The following BOD1L1 variants were observed in gnomAD, a reference collection of about 807,000 sequenced individuals.
BOD1L1 encodes the protein biorientation of chromosomes in cell division 1 like 1.
BOD1L1 carries 86 observed loss-of-function variants against 240.7 expected under a neutral mutation model. The ratio of observed to expected loss-of-function variants is 0.36; its 90% CI spans 0.30 to 0.43. BOD1L1 has a LOEUF of 0.43. Ranked by LOEUF, BOD1L1 falls within the 20% of genes least tolerant of loss-of-function variation. BOD1L1 has a pLI of 1.00. For missense variants in BOD1L1, 3,554 were observed against 3,643.5 expected (o/e 0.98, Z 0.63); for synonymous variants, 1,268 against 1,272.3 (o/e 1.00, Z 0.07).
chr4:13,582,589 T>C, intron 18 of BOD1L1, 63 bp downstream of exon 18: 5 of 1,272,434 alleles, frequency 3.9e-6, no homozygotes, highest in Non-Finnish European at 5.7e-6. Flanking sequence ...GACGTTTCGG[T>C]TGAGAGACAC....
At chr4:13,624,620 C>T (rs1186631723) in intron 1 of BOD1L1, 1 of 152,106 alleles carries the variant, frequency 6.6e-6, no homozygotes, top group East Asian at 1.9e-4. Context: ...GGGGTTTCAC[C>T]ATTTTGGTCA....
At chr4:13,590,548 C>A in intron 13 of BOD1L1, 102 bp from the exon 14 acceptor site, 1 of 534,586 alleles carries the variant, frequency 1.9e-6, no homozygotes, top group Non-Finnish European at 3.3e-6. Flanking sequence ...GCTATTTGTA[C>A]AAATGCCAAA....
chr4:13,591,903 A>G lies in BOD1L1; in HGVS notation c.8148+20T>C, dbSNP rs572715639. 1 of 1,530,154 alleles carries G rather than the reference A, an allele frequency of 6.5e-7. No homozygotes were observed. The highest frequency in any genetic ancestry group is 8.8e-7 in the Non-Finnish European group (1 of 1,137,964). 94.8% of individuals were successfully genotyped at this position (1,530,154 alleles called of 1,614,324 possible). A position where few individuals can be genotyped will look rare whatever the true frequency, so the allele number is the denominator to read the frequency against. On this transcript the variant is annotated intron_variant, in intron 13 of 25. Coordinates refer to ENST00000040738, the MANE Select transcript of BOD1L1 (RefSeq NM_148894.3). ...AAAAACCCAATAACCACAAAAATCAAAACCATTACAGTGACTTACATTTAG... is the reference window on the plus strand; with the variant it reads ...AAAAACCCAATAACCACAAAAATCAGAACCATTACAGTGACTTACATTTAG...
intron 6 of BOD1L1, among the ~76,000 whole-genome samples, chr4:13,609,879 T>C (rs1024042720): frequency 2.6e-5 from 4 of 152,148 alleles, no homozygotes; most frequent in Admixed American, 1.3e-4. Flanking sequence ...GGTTATATGC[T>C]TGGGACCCAA....
chr4:13,586,946 TATA>T (rs1577325399), intron 16 of BOD1L1, among the ~76,000 whole-genome samples: 1 of 152,324 alleles, frequency 6.6e-6, no homozygotes, highest in East Asian at 1.9e-4. Flanking sequence ...TGGGAATGTG[TATA>T]ATGTACCATG....
chr4:13,617,013 A>G (rs891289341), intron 2 of BOD1L1, among the ~76,000 whole-genome samples: 2 of 152,128 alleles, frequency 1.3e-5, no homozygotes, highest in African/African-American at 4.8e-5. Flanking sequence ...CTGGGAGGCC[A>G]AGGCGGGCAG....
rs1241294504 is a variant in BOD1L1, at chr4:13,602,264, T to C, written c.4636A>G (p.Arg1546Gly). The C allele has an allele frequency of 6.2e-7, 1 of 1,613,906 alleles. No homozygotes were observed. The highest frequency in any genetic ancestry group is 8.5e-7 in the Non-Finnish European group (1 of 1,179,898). Reference sequence around the variant, plus strand: ...CAAGGCAAAGCCACCTCACTTTGTCTTGTTTCTGAAGAAGTGGTTGTGGCA... The same window carrying C: ...CAAGGCAAAGCCACCTCACTTTGTCCTGTTTCTGAAGAAGTGGTTGTGGCA... ...GPATTTSSET[R>G]QSEVALPCTS... is the part of the protein sequence containing the mutation. Residue 1546 changes from arginine to glycine, a missense_variant, in exon 10 of 26, where the codon AGA becomes GGA. Arg to Gly is a moderately radical substitution (Grantham distance 125). Transcript: ENST00000040738.
rs1161132394 is a variant in BOD1L1 at position 13,614,324 on chromosome 4, G to A, written c.1046C>T (p.Ser349Leu). 1.9e-6 allele frequency: 3 copies of A among 1,549,320 alleles called. No individual in the cohort carries two copies. The East Asian group carries it at 7.3e-5, about 38-fold the overall frequency. The stretch of plus-strand genomic sequence containing the variant: ...TTTCTGTGTATCTTCACTCTTTTTT[G>A]AGTGATCAAATTTCTTTTCAGTCTT... The part of the protein sequence containing the change: ...KEKTEKKFDH[S>L]KKSEDTQKVK... The change falls in exon 4 of 26, where the codon TCA becomes TTA. Residue 349 changes from serine to leucine, a missense_variant. Ser to Leu is a moderately radical substitution (Grantham distance 145). This residue lies in a region of BOD1L1 where 3,393 missense variants were observed against 3,427.1 expected (regional missense o/e 0.99). Transcript: ENST00000040738.
chr4:13,603,806 T>C lies in BOD1L1; in HGVS notation c.3094A>G (p.Ile1032Val). ...SRSLKHSSKD[I>V]KKKDENKSDD... is the part of the protein sequence containing the mutation. ...GATTTATTTTCGTCCTTCTTTTTTA[T>C]GTCTTTACTACTATGCTTTAAGCTT... Residue 1032 changes from isoleucine (I) to valine (V), a missense_variant, in exon 10 of 26, where the codon ATA becomes GTA. Physicochemically the swap from Ile to Val is conservative, Grantham distance 29. This residue lies in a region of BOD1L1 where 3,393 missense variants were observed against 3,427.1 expected (regional missense o/e 0.99). Coordinates refer to ENST00000040738, the MANE Select transcript of BOD1L1 (RefSeq NM_148894.3). The C allele has an allele frequency of 6.2e-7, 1 of 1,613,318 alleles. No individual in the cohort carries two copies. Among genetic ancestry groups the C allele is most frequent in the Non-Finnish European group, 8.5e-7 (1 of 1,179,798 alleles).
chr4:13,609,534 C>G (rs548830142), intron 6 of BOD1L1, 128 bp from the exon 7 acceptor site: 1 of 545,634 alleles, frequency 1.8e-6, no homozygotes, highest in South Asian at 3.3e-5. Flanking sequence ...TGAAAAAATG[C>G]ACATACACTA....
intron 1 of BOD1L1, among the ~76,000 whole-genome samples, chr4:13,626,645 C>T (rs1577392270): frequency 6.6e-6 from 1 of 152,176 alleles, no homozygotes; most frequent in Non-Finnish European, 1.5e-5. Flanking sequence ...TGTTGCTGTC[C>T]TTTCCCTTCT....
chr4:13,601,393 T>C lies in BOD1L1; in HGVS notation c.5507A>G (p.Lys1836Arg). Reference sequence around the variant, plus strand: ...AACTAATGGTACATTAGTGCCTTCTTTGGCCACTGTGCTGTCCATTGCACT... The same window carrying C: ...AACTAATGGTACATTAGTGCCTTCTCTGGCCACTGTGCTGTCCATTGCACT... ...GESAMDSTVA[K>R]EGTNVPLVAA... Residue 1836 changes from lysine (K) to arginine (R), a missense_variant, in exon 10 of 26, where the codon AAA (lysine) becomes AGA (arginine). Coordinates refer to ENST00000040738, the MANE Select transcript of BOD1L1 (RefSeq NM_148894.3). 6.2e-7 allele frequency: 1 copy of C among 1,614,050 alleles called. No individual in the cohort carries two copies. The highest frequency in any genetic ancestry group is 8.5e-7 in the Non-Finnish European group (1 of 1,179,912).
At chr4:13,597,273 T>C in intron 10 of BOD1L1, 105 bp from the exon 11 acceptor site, 1 of 784,630 alleles carries the variant, frequency 1.3e-6, no homozygotes, top group South Asian at 1.6e-5. Flanking sequence ...TGTTGCACCT[T>C]CCTTTTCTGG....
chr4:13,602,412 G>T lies in BOD1L1; in HGVS notation c.4488C>A (p.His1496Gln). Residue 1496 changes from histidine to glutamine, a missense_variant, in exon 10 of 26, where the codon CAC becomes CAA. Transcript: ENST00000040738. The part of the protein sequence containing the change: ...AGSGSAPSVL[H>Q]QRNGQTEDVA... ...CATCCTCAGTTTGTCCGTTCCTTTG[G>T]TGTAAAACAGAGGGTGCAGAGCCAC... is the stretch of plus-strand genomic sequence containing the variant. The T allele has an allele frequency of 1.9e-6, 3 of 1,613,964 alleles. No individual in the cohort carries two copies. Among genetic ancestry groups the T allele is most frequent in the Non-Finnish European group, 2.5e-6 (3 of 1,179,888 alleles).
intron 12 of BOD1L1, 35 bp downstream of exon 12, chr4:13,595,825 A>G: frequency 6.3e-7 from 1 of 1,582,618 alleles, no homozygotes; most frequent in Non-Finnish European, 8.6e-7. Flanking sequence ...AGGCAAAAAC[A>G]AAAACAATGT....
chr4:13,616,460 T>C (rs139305101), intron 2 of BOD1L1, among the ~76,000 whole-genome samples: 1 of 152,238 alleles, frequency 6.6e-6, no homozygotes, highest in Admixed American at 6.5e-5. Flanking sequence ...ATCTGTGAAA[T>C]GTGCTTCTGC....
In BOD1L1 at chr4:13,599,136, A is replaced by T; in HGVS notation, c.7764T>A (p.Ala2588=). 3 of 1,614,060 alleles carry T rather than the reference A, an allele frequency of 1.9e-6. No homozygotes were observed. The highest frequency in any genetic ancestry group is 2.5e-6 in the Non-Finnish European group (3 of 1,179,896). Residue 2588 remains alanine (A), a synonymous_variant, in exon 10 of 26, where the codon GCT becomes GCA. Coordinates refer to ENST00000040738, the MANE Select transcript of BOD1L1 (RefSeq NM_148894.3). The part of the protein sequence containing the change: ...IAPSHTMIPP[A]TYSVALLAPK... Reference sequence around the variant, plus strand: ...GAGCCAACAGAGCTACACTGTAAGTAGCTGGAGGGATCATTGTGTGGGAAG... The same window carrying T: ...GAGCCAACAGAGCTACACTGTAAGTTGCTGGAGGGATCATTGTGTGGGAAG...
At chr4:13,595,512 G>C (rs1049737118) in intron 12 of BOD1L1, among the ~76,000 whole-genome samples, 1 of 152,174 alleles carries the variant, frequency 6.6e-6, no homozygotes, top group Non-Finnish European at 1.5e-5. Flanking sequence ...CCTCAGACTA[G>C]CCTTTTGGAA....
In BOD1L1 at chr4:13,602,641, G is replaced by A; in HGVS notation, c.4259C>T (p.Pro1420Leu). Residue 1420 changes from proline (P) to leucine (L), a missense_variant, in exon 10 of 26, where the codon CCC becomes CTC. By Grantham distance (98) the Pro-to-Leu change is moderately conservative. Coordinates refer to ENST00000040738, the MANE Select transcript of BOD1L1 (RefSeq NM_148894.3). ...TGCTTTAATTGTCTGCTTTAAATTGGGCTCTGCATTTAAGTCATTTTCTTT... is the reference window on the plus strand; with the variant it reads ...TGCTTTAATTGTCTGCTTTAAATTGAGCTCTGCATTTAAGTCATTTTCTTT... The part of the protein sequence containing the change: ...AKKENDLNAE[P>L]NLKQTIKATV... 6.2e-7 allele frequency: 1 copy of A among 1,613,864 alleles called. No homozygotes were observed. Among genetic ancestry groups the A allele is most frequent in the Admixed American group, 1.7e-5 (1 of 60,020 alleles).
Sources: allele counts gnomAD v4.1 joint callset (sites outside exome capture counted in the v4.1 genomes callset), GRCh38; gene constraint gnomAD v4.1.1; regional missense constraint gnomAD v4.1.1; transcripts MANE v1.5; gene names NCBI Gene and HGNC (gene_info 2026-07-23, HGNC 2026-07-21).